Variants in TAX1BP1 observed in about 807,000 individuals in gnomAD.
TAX1BP1 encodes the protein tax1-binding protein 1.
In TAX1BP1, 62 loss-of-function variants were observed where a neutral mutation model predicts 97.7. The observed-to-expected ratio is 0.63, with a 90% confidence interval of 0.52 to 0.78. The LOEUF is 0.78. Ranked by LOEUF, TAX1BP1 falls within the 30% of genes least tolerant of loss-of-function variation. The pLI is 0.00. For synonymous variants in TAX1BP1, 340 were observed against 304.2 expected (o/e 1.12, Z -1.23); for missense variants, 867 against 916.1 (o/e 0.95, Z 0.69).
At chr7:27,764,913 C>G (rs187705697) in intron 3 of TAX1BP1, among the ~76,000 whole-genome samples, 1 of 147,612 alleles carries the variant, frequency 6.8e-6, no homozygotes, top group Non-Finnish European at 1.5e-5. Flanking sequence ...TTGACATGCT[C>G]CACCCCTCTC....
At chr7:27,806,655 C>G (rs1330140493) in intron 13 of TAX1BP1, among the ~76,000 whole-genome samples, 2 of 151,968 alleles carry the variant, frequency 1.3e-5, no homozygotes, top group Non-Finnish European at 2.9e-5. Context: ...ATTGTAAGAA[C>G]TTTGTAGTCT....
intron 15 of TAX1BP1, among the ~76,000 whole-genome samples, chr7:27,826,653 T>C (rs1791188432): frequency 1.3e-5 from 2 of 152,222 alleles, no homozygotes; most frequent in Admixed American, 1.3e-4. Context: ...TAAATGAGCC[T>C]GTGTGTTTGG....
intron 12 of TAX1BP1, 50 bp downstream of exon 12, chr7:27,796,269 T>C: frequency 1.5e-6 from 2 of 1,350,768 alleles, no homozygotes; most frequent in Non-Finnish European, 2.0e-6. Context: ...TGTTAATGAC[T>C]TAGCTTACCT....
intron 1 of TAX1BP1, among the ~76,000 whole-genome samples, chr7:27,742,869 G>A (rs576230795): frequency 1.1e-3 from 161 of 152,236 alleles, no homozygotes; most frequent in African/African-American, 3.7e-3. Context: ...TAAAATTTTG[G>A]AATTCAAAGT....
At chr7:27,756,677 C>T (rs565761494) in intron 2 of TAX1BP1, among the ~76,000 whole-genome samples, 1 of 152,246 alleles carries the variant, frequency 6.6e-6, no homozygotes, top group South Asian at 2.1e-4. Context: ...ATAATAACTA[C>T]CATTCATGGA....
intron 13 of TAX1BP1, among the ~76,000 whole-genome samples, chr7:27,807,391 T>A (rs117595360): frequency 1.3e-5 from 2 of 152,322 alleles, no homozygotes; most frequent in Non-Finnish European, 2.9e-5. Flanking sequence ...TGATCATACA[T>A]TGCATTTAGT....
At chr7:27,813,361 CT>C (rs372748567) in intron 13 of TAX1BP1, among the ~76,000 whole-genome samples, 5 of 144,978 alleles carry the variant, frequency 3.4e-5, no homozygotes, top group Non-Finnish European at 6.1e-5. Flanking sequence ...TTTTTTTTTT[CT>C]TTTTTTTTCT....
At chr7:27,791,120 T>C (rs1377815000) in intron 8 of TAX1BP1, among the ~76,000 whole-genome samples, 5 of 152,106 alleles carry the variant, frequency 3.3e-5, no homozygotes, top group African/African-American at 1.2e-4. Flanking sequence ...CATATAGAAG[T>C]TGGCGATCTT....
chr7:27,769,647 C>G (rs1788770292), intron 4 of TAX1BP1, 29 bp from the exon 5 acceptor site: 1 of 1,548,258 alleles, frequency 6.5e-7, no homozygotes, highest in Non-Finnish European at 8.7e-7. Flanking sequence ...AAGCAAAAAA[C>G]TAATTAATCT....
At chr7:27,760,175 C>G (rs1050901882) in intron 3 of TAX1BP1, among the ~76,000 whole-genome samples, 2 of 151,440 alleles carry the variant, frequency 1.3e-5, no homozygotes, top group African/African-American at 4.9e-5. Flanking sequence ...AAATGAAACC[C>G]CAAATCATTT....
intron 13 of TAX1BP1, among the ~76,000 whole-genome samples, chr7:27,811,146 G>A (rs1334204134): frequency 6.6e-6 from 1 of 152,130 alleles, no homozygotes; most frequent in Non-Finnish European, 1.5e-5. Context: ...ATAATAGATG[G>A]TGTGCTAGGT....
At chr7:27,756,826 A>G (rs1024320114) in intron 2 of TAX1BP1, among the ~76,000 whole-genome samples, 3 of 152,154 alleles carry the variant, frequency 2.0e-5, no homozygotes, top group African/African-American at 4.8e-5. Context: ...CTCAGGTTTC[A>G]TATCCGTAAA....
At chr7:27,813,058 C>G (rs1790618605) in intron 13 of TAX1BP1, among the ~76,000 whole-genome samples, 1 of 151,032 alleles carries the variant, frequency 6.6e-6, no homozygotes, top group Admixed American at 6.6e-5. Context: ...CATCTATATT[C>G]TTATGCCAAT....
intron 5 of TAX1BP1, among the ~76,000 whole-genome samples, chr7:27,777,764 T>C (rs1789087200): frequency 6.6e-6 from 1 of 152,238 alleles, no homozygotes; most frequent in Non-Finnish European, 1.5e-5. Flanking sequence ...CTCTTTGCCC[T>C]GTGGCCTTAA....
chr7:27,777,123 C>T (rs1789063750), intron 5 of TAX1BP1, among the ~76,000 whole-genome samples: 1 of 152,082 alleles, frequency 6.6e-6, no homozygotes, highest in South Asian at 2.1e-4. Flanking sequence ...ATTTCTGTAT[C>T]AGTTTTGATT....
intron 2 of TAX1BP1, among the ~76,000 whole-genome samples, chr7:27,750,799 T>G (rs1200000984): frequency 6.6e-6 from 1 of 152,202 alleles, no homozygotes; most frequent in African/African-American, 2.4e-5. Flanking sequence ...AACAATCAGT[T>G]CTAACCATTT....
intron 13 of TAX1BP1, among the ~76,000 whole-genome samples, chr7:27,801,737 A>T (rs1790145359): frequency 6.6e-6 from 1 of 152,222 alleles, no homozygotes; most frequent in African/African-American, 2.4e-5. Context: ...TGTTAAAAGT[A>T]AGCATTGAGA....
At chr7:27,802,402 C>T (rs575146740) in intron 13 of TAX1BP1, among the ~76,000 whole-genome samples, 72 of 152,212 alleles carry the variant, frequency 4.7e-4, no homozygotes, top group African/African-American at 1.7e-3. Context: ...CATGTGTCTA[C>T]AAGAGAAAGC....
chr7:27,793,612 A>T (rs1789801414), intron 10 of TAX1BP1, among the ~76,000 whole-genome samples: 1 of 152,168 alleles, frequency 6.6e-6, no homozygotes, highest in South Asian at 2.1e-4. Context: ...CAAGTTCTTC[A>T]TACTCATATT....
Sources: gnomAD v4.1 joint callset for allele counts (sites outside exome capture counted in the v4.1 genomes callset) on GRCh38, gnomAD v4.1.1 for gene constraint, MANE v1.5 for transcripts, NCBI Gene and HGNC (gene_info 2026-07-23, HGNC 2026-07-21) for gene names.